RNF180: variants seen among roughly 807,000 people sequenced by gnomAD.
RNF180 encodes E3 ubiquitin-protein ligase RNF180.
A neutral mutation model predicts 59.2 loss-of-function variants in RNF180; 38 were observed. The observed-to-expected ratio is 0.64, with a 90% CI of 0.50 to 0.84. The LOEUF is 0.84. Ranked by LOEUF, RNF180 falls within the 40% of genes least tolerant of loss-of-function variation. The pLI is 0.00. For synonymous variants in RNF180, 262 were observed against 240.3 expected (o/e 1.09, Z -0.84); for missense variants, 705 against 700.9 (o/e 1.01, Z -0.07).
intron 2 of RNF180, among the ~76,000 whole-genome samples, chr5:64,205,219 A>G (rs184306392): frequency 6.6e-6 from 1 of 152,254 alleles, no homozygotes; most frequent in Admixed American, 6.5e-5. Flanking sequence ...CAGGTTTGTC[A>G]AAGTTAGCTT....
intron 5 of RNF180, among the ~76,000 whole-genome samples, chr5:64,276,319 G>GGGGTGTGTGT (rs553123802): frequency 2.5e-4 from 34 of 138,190 alleles, no homozygotes; most frequent in African/African-American, 6.6e-4. Flanking sequence ...AAAATACATT[G>GGGGTGTGTGT]GTGTGTGTGT....
At chr5:64,293,362 C>A (rs749363132) in intron 5 of RNF180, among the ~76,000 whole-genome samples, 2 of 152,078 alleles carry the variant, frequency 1.3e-5, no homozygotes, top group Non-Finnish European at 2.9e-5. Context: ...AGAATTCACT[C>A]GCCATTTTCA....
intron 5 of RNF180, among the ~76,000 whole-genome samples, chr5:64,234,286 G>A (rs1742271828): frequency 1.3e-5 from 2 of 151,992 alleles, no homozygotes; most frequent in Non-Finnish European, 2.9e-5. Flanking sequence ...CCAACATGGC[G>A]AAACCCCGTC....
At chr5:64,232,248 T>G (rs1742142081) in intron 5 of RNF180, among the ~76,000 whole-genome samples, 1 of 152,266 alleles carries the variant, frequency 6.6e-6, no homozygotes, top group African/African-American at 2.4e-5. Flanking sequence ...GATTGGTTTC[T>G]TTATGCCTTA....
chr5:64,269,339 G>A (rs1223888509), intron 5 of RNF180, among the ~76,000 whole-genome samples: 1 of 152,066 alleles, frequency 6.6e-6, no homozygotes, highest in African/African-American at 2.4e-5. Flanking sequence ...CTGGGCCCAC[G>A]CAATCTGTTG....
At chr5:64,222,657 A>G (rs1741415452) in intron 5 of RNF180, among the ~76,000 whole-genome samples, 1 of 152,170 alleles carries the variant, frequency 6.6e-6, no homozygotes, top group Non-Finnish European at 1.5e-5. Flanking sequence ...CAAAATTCCA[A>G]ACTTCTGGAA....
intron 5 of RNF180, among the ~76,000 whole-genome samples, chr5:64,292,335 G>A (rs1742640747): frequency 6.6e-6 from 1 of 152,024 alleles, no homozygotes; most frequent in Non-Finnish European, 1.5e-5. Context: ...TCTTGATGTT[G>A]TTGCTGCCTT....
chr5:64,190,479 C>T (rs1314726976), intron 1 of RNF180, among the ~76,000 whole-genome samples: 1 of 152,114 alleles, frequency 6.6e-6, no homozygotes, highest in African/African-American at 2.4e-5. Flanking sequence ...GGAGTTGATG[C>T]TAACATGAGT....
At chr5:64,219,001 T>C (rs1320635666) in intron 5 of RNF180, among the ~76,000 whole-genome samples, 2 of 152,216 alleles carry the variant, frequency 1.3e-5, no homozygotes, top group African/African-American at 4.8e-5. Context: ...TATTAAATCA[T>C]AGTTTCCAAT....
At chr5:64,193,572 C>A (rs1751294566) in intron 1 of RNF180, among the ~76,000 whole-genome samples, 1 of 152,162 alleles carries the variant, frequency 6.6e-6, no homozygotes, top group Non-Finnish European at 1.5e-5. Context: ...GGCCCATTCC[C>A]AATTGTTTAG....
intron 1 of RNF180, among the ~76,000 whole-genome samples, chr5:64,173,712 A>G (rs3104058): frequency 0.46 from 66,878 of 145,898 alleles, 16,641 homozygotes; most frequent in African/African-American, 0.67. Flanking sequence ...CTTCTATAGC[A>G]TCAACTTTTT....
intron 5 of RNF180, among the ~76,000 whole-genome samples, chr5:64,225,730 A>G: frequency 7.6e-6 from 1 of 131,038 alleles, no homozygotes; most frequent in Non-Finnish European, 1.6e-5. Flanking sequence ...GGAAGTGAGG[A>G]GCGCCTCTGC....
chr5:64,293,099 T>C (rs1319412282), intron 5 of RNF180, among the ~76,000 whole-genome samples: 1 of 152,154 alleles, frequency 6.6e-6, no homozygotes, highest in African/African-American at 2.4e-5. Flanking sequence ...TCCAAACCAG[T>C]GGGTCTTAAC....
At chr5:64,222,048 T>C (rs1455652966) in intron 5 of RNF180, among the ~76,000 whole-genome samples, 1 of 152,232 alleles carries the variant, frequency 6.6e-6, no homozygotes, top group Non-Finnish European at 1.5e-5. Context: ...TTGTCATGTC[T>C]CATTAGGTTC....
chr5:64,334,888 G>GAGTT (rs1159112070), intron 7 of RNF180, among the ~76,000 whole-genome samples: 2 of 152,118 alleles, frequency 1.3e-5, no homozygotes, highest in East Asian at 3.9e-4. Flanking sequence ...TGGAACATAA[G>GAGTT]AGTTACTCTA....
At chr5:64,166,220 A>T (rs368489398) in intron 1 of RNF180, 3 of 152,430 alleles carry the variant, frequency 2.0e-5, no homozygotes, top group African/African-American at 7.2e-5. Flanking sequence ...TTGGAATTAC[A>T]CAGGGTCGAA....
chr5:64,187,436 G>T (rs17796647), intron 1 of RNF180, among the ~76,000 whole-genome samples: 12,425 of 152,126 alleles, frequency 0.082, 752 homozygotes, highest in Admixed American at 0.14. Context: ...GAACACCAAA[G>T]CATATGCAGA....
At chr5:64,246,069 A>T (rs190915073) in intron 5 of RNF180, among the ~76,000 whole-genome samples, 32 of 152,004 alleles carry the variant, frequency 2.1e-4, no homozygotes, top group Admixed American at 6.6e-5. Context: ...CCAATGAGAA[A>T]AAAGACACAA....
At chr5:64,319,155 T>A (rs1185694639) in intron 5 of RNF180, among the ~76,000 whole-genome samples, 1 of 149,952 alleles carries the variant, frequency 6.7e-6, no homozygotes, top group Non-Finnish European at 1.5e-5. Flanking sequence ...AATTTTTCTG[T>A]GAACCTAAAA....
Sources: allele counts gnomAD v4.1 joint callset (sites outside exome capture counted in the v4.1 genomes callset), GRCh38; gene constraint gnomAD v4.1.1; transcripts MANE v1.5; gene names NCBI Gene and HGNC (gene_info 2026-07-23, HGNC 2026-07-21).